The following C16orf89 variants were observed in gnomAD, a reference collection of about 807,000 sequenced individuals.
C16orf89 encodes UPF0764 protein C16orf89.
A neutral mutation model predicts 41.5 loss-of-function variants in C16orf89; 57 were observed. The ratio of observed to expected loss-of-function variants is 1.38; its 90% CI spans 1.11 to 1.71. The LOEUF (loss-of-function observed/expected upper bound fraction) is 1.71, where lower values mean the gene tolerates loss of function less well. Ranked by LOEUF, C16orf89 falls within the 40% of genes most tolerant of loss-of-function variation. The pLI, the probability that C16orf89 is intolerant of heterozygous loss-of-function variation, is 0.00. For missense variants in C16orf89, 575 were observed against 445.9 expected, an observed-to-expected ratio of 1.29 and a Z score of -2.61; for synonymous variants, 223 against 190.6, an observed-to-expected ratio of 1.17 and a Z score of -1.40.
downstream of C16orf89, chr16:5,044,029 A>C: frequency 2.7e-6 from 2 of 742,180 alleles, no homozygotes; most frequent in Non-Finnish European, 3.4e-6. Context: ...AAAAGAAAAA[A>C]GAATTTGTGT....
At position 5,055,398 on chromosome 16, in the gene C16orf89, C is replaced by T. The variant is rs1331111937; in HGVS notation, c.764-48G>A. 4.8e-6 allele frequency: 7 copies of T among 1,472,646 alleles called. No individual in the cohort carries two copies. The Admixed American group carries it at 5.7e-5, about 12-fold the overall frequency. 91.2% of individuals were successfully genotyped at this position (1,472,646 alleles called of 1,614,324 possible). On this transcript the variant is annotated intron_variant, in intron 5 of 7. Transcript: ENST00000472572. ...TCTGCAGGCCTGCCCCCCAGGCCCA[C>T]CTCCTCCCACTCCCCAGGGCTGCCA...
intron 4 of C16orf89, among the ~76,000 whole-genome samples, 158 bp from the exon 5 acceptor site, chr16:5,056,346 C>A (rs1201419502): frequency 2.6e-5 from 4 of 152,142 alleles, no homozygotes; most frequent in Non-Finnish European, 5.9e-5. Flanking sequence ...CGCAGGATTT[C>A]TTCCCCATGC....
At chr16:5,045,111 C>T (rs1214682434) in intron 7 of C16orf89, among the ~76,000 whole-genome samples, 1 of 152,238 alleles carries the variant, frequency 6.6e-6, no homozygotes, top group East Asian at 1.9e-4. Context: ...GGGATCTGGC[C>T]TGAGGCCGCA....
At chr16:5,054,236 C>T (rs1370009323) in intron 6 of C16orf89, among the ~76,000 whole-genome samples, 1 of 152,212 alleles carries the variant, frequency 6.6e-6, no homozygotes, top group Non-Finnish European at 1.5e-5. Flanking sequence ...CGTTGACTCT[C>T]CTTGCAGCTC....
intron 5 of C16orf89, chr16:5,055,740 C>G: frequency 2.0e-6 from 3 of 1,535,126 alleles, no homozygotes; most frequent in South Asian, 1.2e-5. Context: ...GGGCAGGAAA[C>G]TGTCACACAG....
intron 6 of C16orf89, among the ~76,000 whole-genome samples, chr16:5,053,020 G>A (rs1431812298): frequency 6.6e-6 from 1 of 152,162 alleles, no homozygotes; most frequent in African/African-American, 2.4e-5. Context: ...AAGTAAGCCA[G>A]GCATGGAAAG....
intron 7 of C16orf89, 68 bp from the exon 8 acceptor site, chr16:5,044,546 T>G: frequency 6.3e-7 from 1 of 1,597,350 alleles, no homozygotes; most frequent in South Asian, 1.1e-5. Context: ...CACAGTCTCA[T>G]TGAAAGTGCT....
rs1956471292 is a variant in C16orf89 at position 5,055,228 on chromosome 16, G to A, written c.868+18C>T. 1.9e-6 allele frequency: 3 copies of A among 1,580,160 alleles called. No homozygotes were observed. Among genetic ancestry groups the A allele is most frequent in the African/African-American group, 1.4e-5 (1 of 73,914 alleles). On this transcript the variant is annotated intron_variant, in intron 6 of 7. Transcript: ENST00000472572. ...CCCCACTGCCCCCCTTCTTAGCCAG[G>A]GCAGCAGCGCAGCTCACCAGGCTCC...
At chr16:5,061,511 C>G (rs1484066618) in intron 2 of C16orf89, among the ~76,000 whole-genome samples, 2 of 71,174 alleles carry the variant, frequency 2.8e-5, no homozygotes, top group African/African-American at 1.0e-4. Context: ...AAAACCCCCC[C>G]AAAAAAAAAA....
intron 6 of C16orf89, among the ~76,000 whole-genome samples, chr16:5,052,099 C>CAAAAAAAAAAAAAAAAAAAAAAA: frequency 1.3e-5 from 1 of 78,732 alleles, no homozygotes; most frequent in Admixed American, 1.7e-4. Flanking sequence ...GAGACTGTCT[C>CAAAAAAAAAAAAAAAAAAAAAAA]AAAAAAAAAA....
chr16:5,052,925 A>G (rs915619222), intron 6 of C16orf89, among the ~76,000 whole-genome samples: 2 of 152,234 alleles, frequency 1.3e-5, no homozygotes, highest in Admixed American at 6.5e-5. Context: ...ACACAGACCC[A>G]ATGAAGTACT....
rs371481724 is a variant in C16orf89 at position 5,058,606 on chromosome 16, C to A, written c.514G>T (p.Asp172Tyr). The change falls in exon 4 of 8, where the codon GAC becomes TAC. Residue 172 changes from aspartate (D) to tyrosine (Y), a missense_variant. By Grantham distance (160) the Asp-to-Tyr change is radical. Transcript: ENST00000472572. ...CLVQLLGTGT[D>Y]SSEPCGLSDL... ...GAGAGGCCGCAGGGCTCGCTGCTGT[C>A]CGTCCTGGGGGAAAGTGGTTCCAAG... 24 of 1,609,756 alleles carry A rather than the reference C, an allele frequency of 1.5e-5. No homozygotes were observed. Among genetic ancestry groups the A allele is most frequent in the Admixed American group, 6.7e-5 (4 of 59,872 alleles).
intron 2 of C16orf89, among the ~76,000 whole-genome samples, chr16:5,061,148 G>A (rs548869863): frequency 6.7e-6 from 1 of 150,364 alleles, no homozygotes; most frequent in Admixed American, 6.7e-5. Flanking sequence ...TGTAGTCCCA[G>A]CTACTCAGGA....
chr16:5,043,369 T>G (rs1956238963), downstream of C16orf89: 1 of 152,164 alleles, frequency 6.6e-6, no homozygotes, highest in African/African-American at 2.4e-5. Flanking sequence ...TAGGGGTTAT[T>G]ATTATCGCAA....
At chr16:5,053,807 A>G (rs563308094) in intron 6 of C16orf89, among the ~76,000 whole-genome samples, 2 of 152,358 alleles carry the variant, frequency 1.3e-5, no homozygotes, top group African/African-American at 4.8e-5. Flanking sequence ...TTGGCCTCCC[A>G]AAGTGGTGGG....
chr16:5,060,516 T>C, intron 2 of C16orf89, 80 bp from the exon 3 acceptor site: 1 of 1,419,616 alleles, frequency 7.0e-7, no homozygotes, highest in Non-Finnish European at 9.6e-7. Context: ...CCCCACCTCC[T>C]CCTGCAGCCC....
rs531301214 is a variant in C16orf89 at position 5,055,938 on chromosome 16, CGTGTGTGTGTGTGTGTGTGTGTGTGT to C, written c.763+89_763+114del. ...TTTTACTTGCTTAATCTGGCAACTC[CGTGTGTGTGTGTGTGTGTGTGTGTGT>C]GTGTGTGTGTGTGTGTGTGTGTGTG... is the stretch of plus-strand genomic sequence containing the variant. On this transcript the variant is annotated intron_variant, in intron 5 of 7. Transcript: ENST00000472572. 1,030 of 908,326 alleles carry C rather than the reference CGTGTGTGTGTGTGTGTGTGTGTGTGT, an allele frequency of 1.1e-3. 6 individuals carry two copies. In the African/African-American group the frequency reaches 0.012, roughly 10 times the overall value. 56.3% of individuals were successfully genotyped at this position (908,326 alleles called of 1,614,324 possible).
At chr16:5,050,361 CTG>C (rs1382220283) in intron 6 of C16orf89, among the ~76,000 whole-genome samples, 1 of 151,100 alleles carries the variant, frequency 6.6e-6, no homozygotes, top group Admixed American at 6.6e-5. Context: ...GAGCAAGACT[CTG>C]TCTCCAAAAA....
Position 5,065,952 on chromosome 16 carries a change from G to C in C16orf89, c.-44C>G. The C allele has an allele frequency of 6.2e-7, 1 of 1,602,488 alleles. No homozygotes were observed. The highest frequency in any genetic ancestry group is 8.5e-7 in the Non-Finnish European group (1 of 1,176,416). ...GCTGGTCACACGCTCAGCACCCTGA[G>C]CTCTGGCCAAGCCCAGACTGCCTCT... is the stretch of plus-strand genomic sequence containing the variant. On this transcript the variant is annotated 5_prime_UTR_variant, in exon 1 of 8. Coordinates refer to ENST00000472572, the MANE Select transcript of C16orf89 (RefSeq NM_001098514.3).
Sources: allele counts gnomAD v4.1 joint callset (sites outside exome capture counted in the v4.1 genomes callset), GRCh38; gene constraint gnomAD v4.1.1; transcripts MANE v1.5; gene names NCBI Gene and HGNC (gene_info 2026-07-23, HGNC 2026-07-21).